Variants in RPA1 observed in about 807,000 individuals in gnomAD.
RPA1 encodes the protein replication protein A1.
Under a neutral mutation model 83.0 loss-of-function variants are expected in RPA1, and 49 were observed. That is an observed-to-expected ratio of 0.59 (90% CI 0.47 to 0.75). RPA1 has a LOEUF of 0.75. Ranked by LOEUF, RPA1 falls within the 30% of genes least tolerant of loss-of-function variation. RPA1 has a pLI of 0.00. For missense variants in RPA1, 693 were observed against 776.1 expected (o/e 0.89, Z 1.27); for synonymous variants, 279 against 281.8 (o/e 0.99, Z 0.10).
rs369428132 is a variant in RPA1 at position 1,872,540 on chromosome 17, C to G, written c.454+14C>G. 14 of 1,612,536 alleles carry G rather than the reference C, an allele frequency of 8.7e-6. No homozygotes were observed. Among genetic ancestry groups the G allele is most frequent in the Non-Finnish European group, 1.7e-6 (2 of 1,179,760 alleles). On this transcript the variant is annotated intron_variant, in intron 6 of 16. Transcript: ENST00000254719. The stretch of plus-strand genomic sequence containing the variant: ...GCTCGGGAATGGGTGAGATGCCTCA[C>G]GGGGCGTGCGCTGACCAGGGGTGTC...
intron 5 of RPA1, among the ~76,000 whole-genome samples, chr17:1,865,696 T>A (rs1426519799): frequency 6.6e-6 from 1 of 152,200 alleles, no homozygotes; most frequent in Admixed American, 6.5e-5. Flanking sequence ...TTCATGAGAA[T>A]GTAACCAAAT....
At chr17:1,844,519 C>T (rs1286602151) in intron 3 of RPA1, 59 bp from the exon 4 acceptor site, 4 of 1,344,668 alleles carry the variant, frequency 3.0e-6, no homozygotes, top group African/African-American at 1.4e-5. Flanking sequence ...GTATGAGTAG[C>T]TCTCAGAGGC....
At chr17:1,860,448 T>C (rs1001038310) in intron 5 of RPA1, among the ~76,000 whole-genome samples, 10 of 152,232 alleles carry the variant, frequency 6.6e-5, no homozygotes, top group African/African-American at 2.2e-4. Context: ...GCCTGGCCAT[T>C]GTGTATACTT....
In RPA1 at chr17:1,843,928, T is replaced by A. The variant is rs1331979751; in HGVS notation, c.93T>A (p.Arg31=). 3.7e-6 allele frequency: 6 copies of A among 1,613,838 alleles called. No homozygotes were observed. The highest frequency in any genetic ancestry group is 5.1e-6 in the Non-Finnish European group (6 of 1,179,878). The change falls in exon 3 of 17, where the codon CGT becomes CGA. Residue 31 remains arginine (R), a synonymous_variant. Coordinates refer to ENST00000254719, the MANE Select transcript of RPA1 (RefSeq NM_002945.5). The stretch of plus-strand genomic sequence containing the variant: ...CAAGTTTTCTGTCCTAGAACATCCG[T>A]CCCATTACTACGGGGAATAGTCCGC... ...IKPILQVINI[R]PITTGNSPPR...
rs369913965 is a variant in RPA1 at position 1,831,637 on chromosome 17, T to C, written c.33+1511T>C. On this transcript the variant is annotated intron_variant, in intron 1 of 16. Transcript: ENST00000254719. ...TTTTTGAGCTGGAATCTTGCTCTGTTGCCCAGGCTGGAGGGCAGTGGCGCG... is the reference window on the plus strand; with the variant it reads ...TTTTTGAGCTGGAATCTTGCTCTGTCGCCCAGGCTGGAGGGCAGTGGCGCG... Among the ~76,000 whole-genome samples, 25 of 151,446 alleles carry C rather than the reference T, an allele frequency of 1.7e-4. No individual in the cohort carries two copies. In the East Asian group the frequency reaches 2.9e-3, roughly 18 times the overall value.
intron 5 of RPA1, among the ~76,000 whole-genome samples, chr17:1,869,487 G>A (rs780028501): frequency 3.3e-5 from 5 of 151,872 alleles, no homozygotes; most frequent in Non-Finnish European, 5.9e-5. Flanking sequence ...GCAGTGAGCC[G>A]AGATGGCGCC....
intron 16 of RPA1, among the ~76,000 whole-genome samples, chr17:1,896,728 G>T (rs1238287515): frequency 6.6e-6 from 1 of 152,194 alleles, no homozygotes; most frequent in Non-Finnish European, 1.5e-5. Flanking sequence ...TAGCTGTGTG[G>T]CTTTGTGCAA....
chr17:1,834,558 CAT>C (rs145379166), intron 1 of RPA1, among the ~76,000 whole-genome samples: 48 of 152,278 alleles, frequency 3.2e-4, no homozygotes, highest in Non-Finnish European at 5.9e-4. Flanking sequence ...ATACCACACA[CAT>C]GTGAAGGCGT....
At chr17:1,852,604 T>C (rs989466916) in intron 4 of RPA1, among the ~76,000 whole-genome samples, 5 of 152,220 alleles carry the variant, frequency 3.3e-5, no homozygotes, top group Non-Finnish European at 4.4e-5. Flanking sequence ...AGGCAAGCCA[T>C]GGCCCAGGTT....
At chr17:1,868,044 G>A (rs996584431) in intron 5 of RPA1, among the ~76,000 whole-genome samples, 2 of 152,024 alleles carry the variant, frequency 1.3e-5, no homozygotes, top group African/African-American at 2.4e-5. Flanking sequence ...TGATCATGCC[G>A]CTGTACTCCA....
At chr17:1,860,667 G>A (rs1484657279) in intron 5 of RPA1, among the ~76,000 whole-genome samples, 1 of 152,136 alleles carries the variant, frequency 6.6e-6, no homozygotes, top group Non-Finnish European at 1.5e-5. Flanking sequence ...GTCCTTGTCT[G>A]TGGATTCTGG....
At chr17:1,888,095 T>C (rs1204514912) in intron 13 of RPA1, among the ~76,000 whole-genome samples, 2 of 152,226 alleles carry the variant, frequency 1.3e-5, no homozygotes, top group African/African-American at 4.8e-5. Context: ...GGTGTGTCTG[T>C]AGTTGCAGCA....
Position 1,898,363 on chromosome 17 carries a change from C to G in RPA1, c.*1188C>G, listed in dbSNP as rs1192113714. 1.3e-5 allele frequency: 2 copies of G among 152,272 alleles called. No homozygotes were observed. Among genetic ancestry groups the G allele is most frequent in the Non-Finnish European group, 2.9e-5 (2 of 68,060 alleles). The allele number at this position is 152,272 out of a possible 1,614,324, so 9.4% of individuals were successfully genotyped here. Reference sequence around the variant, plus strand: ...AACCACGCTTTGAAATGTGTACAGACAGTGAGCTGGTAAGAAAACAGTAAT... The same window carrying G: ...AACCACGCTTTGAAATGTGTACAGAGAGTGAGCTGGTAAGAAAACAGTAAT... On this transcript the variant is annotated 3_prime_UTR_variant, in exon 17 of 17. Transcript: ENST00000254719.
rs543919114 is a variant in RPA1 at position 1,893,685 on chromosome 17, T to C, written c.1660-1324T>C. Among the ~76,000 whole-genome samples the C allele has an allele frequency of 3.7e-4, 56 of 152,272 alleles. No individual in the cohort carries two copies. In the South Asian group the frequency reaches 0.011, roughly 31 times the overall value. ...CTTGTCTGTTTACCAGACTTTTTTT[T>C]TTTTAATAAACTTAAATTGCATTTG... On this transcript the variant is annotated intron_variant, in intron 15 of 16. Coordinates refer to ENST00000254719, the MANE Select transcript of RPA1 (RefSeq NM_002945.5).
At chr17:1,836,137 G>A (rs7217324) in intron 1 of RPA1, among the ~76,000 whole-genome samples, 131,500 of 151,942 alleles carry the variant, frequency 0.87, 57,225 homozygotes, top group Non-Finnish European at 0.92. Flanking sequence ...TTTATTTGAG[G>A]CAGAGTTTCC....
At position 1,884,256 on chromosome 17, in the gene RPA1, C is replaced by T. The variant is rs762956753; in HGVS notation, c.1374+312C>T. On this transcript the variant is annotated intron_variant, in intron 13 of 16. Coordinates refer to ENST00000254719, the MANE Select transcript of RPA1 (RefSeq NM_002945.5). This position sits in a 1 kb window ranked among gnomAD's most constrained non-coding sequence, Gnocchi z 4.1. ...ATAATATCACCTGCTTTCGGGTCCA[C>T]GTTTCTTTCCTGTGATCCTTCCTGC... Among the ~76,000 whole-genome samples, 34 of 152,138 alleles carry T rather than the reference C, an allele frequency of 2.2e-4. No homozygotes were observed. Among genetic ancestry groups the T allele is most frequent in the Non-Finnish European group, 4.0e-4 (27 of 68,018 alleles).
At chr17:1,880,778 A>G (rs1341234866) in intron 12 of RPA1, 87 bp downstream of exon 12, 4 of 1,546,506 alleles carry the variant, frequency 2.6e-6, no homozygotes, top group Non-Finnish European at 3.5e-6. Context: ...CTTTCTGCCA[A>G]GCAGAAGCCT....
intron 15 of RPA1, among the ~76,000 whole-genome samples, chr17:1,893,647 A>G (rs917328989): frequency 6.6e-6 from 1 of 151,478 alleles, no homozygotes; most frequent in Non-Finnish European, 1.5e-5. Context: ...TATACAAACT[A>G]TATTCTCTAA....
chr17:1,860,114 T>C (rs1912887139), intron 5 of RPA1, among the ~76,000 whole-genome samples: 1 of 152,094 alleles, frequency 6.6e-6, no homozygotes, highest in African/African-American at 2.4e-5. Context: ...ATTGGCCTAA[T>C]TTTATTTTTT....
Sources: allele counts gnomAD v4.1 joint callset (sites outside exome capture counted in the v4.1 genomes callset), GRCh38; gene constraint gnomAD v4.1.1; non-coding constraint Gnocchi (gnomAD v3.1); transcripts MANE v1.5; gene names NCBI Gene and HGNC (gene_info 2026-07-23, HGNC 2026-07-21).